Variants in PCDH15 observed in about 807,000 individuals in gnomAD.
PCDH15 encodes protocadherin related 15, also known as protocadherin-15.
In PCDH15, 129 loss-of-function variants were observed where a neutral mutation model predicts 178.5. The ratio of observed to expected loss-of-function variants is 0.72; its 90% CI spans 0.63 to 0.84. The LOEUF is 0.84. Among genes scored for constraint, PCDH15 ranks in the 40% least tolerant of loss-of-function variants. The pLI is 0.00. For synonymous variants in PCDH15, 800 were observed against 732.0 expected (o/e 1.09, Z -1.50); for missense variants, 2,230 against 2,099.9 (o/e 1.06, Z -1.21).
intron 2 of PCDH15, among the ~76,000 whole-genome samples, chr10:55,489,358 T>C (rs1020701294): frequency 2.6e-5 from 4 of 151,682 alleles, no homozygotes; most frequent in Non-Finnish European, 4.4e-5. Context: ...TGTCTTAATA[T>C]ACCATAAAAT....
At chr10:55,328,364 C>G (rs888422780) in intron 2 of PCDH15, among the ~76,000 whole-genome samples, 4 of 151,822 alleles carry the variant, frequency 2.6e-5, no homozygotes, top group African/African-American at 4.8e-5. Context: ...GTGCAGCCTA[C>G]TACACATGTA....
chr10:54,600,591 G>A, intron 2 of PCDH15: 1 of 591,524 alleles, frequency 1.7e-6, no homozygotes, highest in Non-Finnish European at 3.3e-6. Context: ...CGAAGAGCAT[G>A]AAGAGACCTT....
At chr10:55,104,283 T>C (rs1842630873) in intron 2 of PCDH15, among the ~76,000 whole-genome samples, 1 of 152,156 alleles carries the variant, frequency 6.6e-6, no homozygotes, top group African/African-American at 2.4e-5. Context: ...TTCTTAATGA[T>C]GTCTGGGAAC....
intron 18 of PCDH15, among the ~76,000 whole-genome samples, chr10:54,060,138 C>G (rs1350593326): frequency 6.6e-6 from 1 of 152,162 alleles, no homozygotes; most frequent in Non-Finnish European, 1.5e-5. Flanking sequence ...TGTTCATGTA[C>G]TAAATGTTGA....
intron 6 of PCDH15, among the ~76,000 whole-genome samples, chr10:54,344,904 CAAAAAAAAA>C (rs57295345): frequency 1.3e-5 from 1 of 78,888 alleles, no homozygotes; most frequent in Non-Finnish European, 2.3e-5. Context: ...AGAAACAAAG[CAAAAAAAAA>C]AAAAAAAAAA....
chr10:54,101,253 A>G (rs78797449), intron 15 of PCDH15, among the ~76,000 whole-genome samples: 5,540 of 152,242 alleles, frequency 0.036, 327 homozygotes, highest in African/African-American at 0.13. Flanking sequence ...CCCCAGCTAC[A>G]TGAACTGTAA....
intron 1 of PCDH15, among the ~76,000 whole-genome samples, chr10:55,171,822 A>G (rs1459098643): frequency 6.6e-6 from 1 of 152,076 alleles, no homozygotes; most frequent in East Asian, 1.9e-4. Context: ...TGATCTAGAA[A>G]AAAAATGCTA....
At position 54,421,671 on chromosome 10, in the gene PCDH15, CAT is replaced by C. The variant is rs369324916; in HGVS notation, c.158-42731_158-42730del. The stretch of plus-strand genomic sequence containing the variant: ...TATGTACATGTGTAGTGTATATATA[CAT>C]ATATATATATATATATATATACACA... On this transcript the variant is annotated intron_variant, in intron 3 of 37. Coordinates refer to ENST00000644397, the MANE Select transcript of PCDH15 (RefSeq NM_001384140.1). Among the ~76,000 whole-genome samples the C allele has an allele frequency of 8.7e-3, 958 of 109,884 alleles. 20 individuals carry two copies. The highest frequency in any genetic ancestry group is 0.017 in the Middle Eastern group (3 of 180). The allele number at this position is 109,884 out of a possible 152,430, so 72.1% of individuals were successfully genotyped here. A position where few individuals can be genotyped will look rare whatever the true frequency, so the allele number is the denominator to read the frequency against.
chr10:54,748,634 G>C (rs1177999134), intron 1 of PCDH15, among the ~76,000 whole-genome samples: 2 of 152,120 alleles, frequency 1.3e-5, no homozygotes, highest in Non-Finnish European at 2.9e-5. Context: ...TGATTGTAAA[G>C]TGTGCGAAAA....
chr10:55,225,792 C>G (rs558793845), intron 1 of PCDH15, among the ~76,000 whole-genome samples: 1 of 152,008 alleles, frequency 6.6e-6, no homozygotes, highest in Admixed American at 6.6e-5. Context: ...TGAACGTCTC[C>G]CACTCCAACA....
intron 32 of PCDH15, chr10:53,821,409 G>GA (rs752759856): frequency 2.1e-5 from 21 of 997,142 alleles, no homozygotes; most frequent in South Asian, 4.3e-5. Context: ...TAGGCTTCAA[G>GA]AAAAAACAGA....
chr10:53,847,510 G>C lies in PCDH15; in HGVS notation c.3807-7014C>G, dbSNP rs540174351. 5.9e-5 allele frequency among the ~76,000 whole-genome samples: 9 copies of C among 152,082 alleles called. No homozygotes were observed. The South Asian group carries it at 1.7e-3, about 28-fold the overall frequency. On this transcript the variant is annotated intron_variant, in intron 28 of 37. Transcript: ENST00000644397. ...TAAGTAGTGCTCTAGATGCCATGGA[G>C]CATTTTGTTCATTACATTACATGGT...
At chr10:53,887,753 G>A (rs1426611922) in intron 26 of PCDH15, among the ~76,000 whole-genome samples, 1 of 152,156 alleles carries the variant, frequency 6.6e-6, no homozygotes, top group African/African-American at 2.4e-5. Flanking sequence ...GCCGGGCGTG[G>A]TGGCACATGC....
intron 2 of PCDH15, among the ~76,000 whole-genome samples, chr10:55,152,979 T>A (rs1156597955): frequency 6.6e-6 from 1 of 152,000 alleles, no homozygotes; most frequent in Non-Finnish European, 1.5e-5. Context: ...TAGGTATAGG[T>A]AACTTTGTGT....
intron 2 of PCDH15, among the ~76,000 whole-genome samples, chr10:55,540,705 C>T (rs1336562491): frequency 6.6e-6 from 1 of 152,016 alleles, no homozygotes; most frequent in Non-Finnish European, 1.5e-5. Flanking sequence ...AATTTTATTT[C>T]ATAGATCAAA....
At chr10:54,013,858 G>A (rs1355030064) in intron 20 of PCDH15, among the ~76,000 whole-genome samples, 1 of 151,748 alleles carries the variant, frequency 6.6e-6, no homozygotes, top group Non-Finnish European at 1.5e-5. Context: ...AGAGAAACAA[G>A]AGCAAACCAA....
intron 2 of PCDH15, among the ~76,000 whole-genome samples, chr10:54,902,221 TA>T (rs1472244083): frequency 1.3e-5 from 2 of 152,174 alleles, no homozygotes; most frequent in African/African-American, 4.8e-5. Flanking sequence ...TCATGTCAGA[TA>T]AAAAACAAAT....
At chr10:55,170,780 G>T (rs1839312540) in intron 1 of PCDH15, among the ~76,000 whole-genome samples, 1 of 152,094 alleles carries the variant, frequency 6.6e-6, no homozygotes, top group Non-Finnish European at 1.5e-5. Context: ...TACACAGGAG[G>T]CTGAGGCAGG....
intron 6 of PCDH15, among the ~76,000 whole-genome samples, chr10:54,334,055 G>T (rs1940479857): frequency 6.6e-6 from 1 of 152,032 alleles, no homozygotes; most frequent in Non-Finnish European, 1.5e-5. Flanking sequence ...GCTTTTTTGG[G>T]TGATAAGAAT....
Sources: allele counts gnomAD v4.1 joint callset (sites outside exome capture counted in the v4.1 genomes callset), GRCh38; gene constraint gnomAD v4.1.1; transcripts MANE v1.5; gene names NCBI Gene and HGNC (gene_info 2026-07-23, HGNC 2026-07-21).